EPHB1: variants seen among roughly 807,000 people sequenced by gnomAD.
EPHB1 encodes ephrin type-B receptor 1.
Under a neutral mutation model 94.4 loss-of-function variants are expected in EPHB1, and 30 were observed. That is an observed-to-expected ratio of 0.32 (90% CI 0.24 to 0.43). EPHB1 has a LOEUF of 0.43. EPHB1 is among the 20% of genes least tolerant of loss of function. The pLI is 1.00. For synonymous variants in EPHB1, 522 were observed against 489.1 expected (o/e 1.07, Z -0.89); for missense variants, 1,055 against 1,308.3 (o/e 0.81, Z 2.99).
chr3:135,230,596 A>G (rs1943511100), intron 12 of EPHB1, among the ~76,000 whole-genome samples: 1 of 152,156 alleles, frequency 6.6e-6, no homozygotes, highest in Non-Finnish European at 1.5e-5. Context: ...TAAATTTTTA[A>G]AATAATTTTG....
intron 1 of EPHB1, among the ~76,000 whole-genome samples, chr3:134,903,336 T>C (rs1399964353): frequency 2.0e-5 from 3 of 152,124 alleles, no homozygotes; most frequent in Non-Finnish European, 4.4e-5. Context: ...TAGCTCCTAC[T>C]GGTGCTGGCA....
At chr3:135,137,361 C>T (rs1409983768) in intron 5 of EPHB1, among the ~76,000 whole-genome samples, 1 of 152,172 alleles carries the variant, frequency 6.6e-6, no homozygotes, top group African/African-American at 2.4e-5. Context: ...AAAATGTTGA[C>T]AACTGATTAG....
At chr3:135,252,191 ATTTTTATTTTTTAATAT>A (rs1363875628) in intron 15 of EPHB1, among the ~76,000 whole-genome samples, 1 of 150,996 alleles carries the variant, frequency 6.6e-6, no homozygotes, top group African/African-American at 2.4e-5. Flanking sequence ...ATTTTATTTT[ATTTTTATTTTTTAATAT>A]TTTTTATTTA....
chr3:134,908,669 A>G (rs2038387326), intron 1 of EPHB1, among the ~76,000 whole-genome samples: 1 of 152,152 alleles, frequency 6.6e-6, no homozygotes, highest in Admixed American at 6.5e-5. Context: ...AGCAGCAACA[A>G]CAGCACAAAG....
chr3:135,227,668 C>T (rs1477831942), intron 12 of EPHB1, among the ~76,000 whole-genome samples: 1 of 152,032 alleles, frequency 6.6e-6, no homozygotes, highest in Non-Finnish European at 1.5e-5. Flanking sequence ...CATGTCTGTG[C>T]ACTCGTATGT....
At chr3:135,039,618 A>G (rs36040) in intron 3 of EPHB1, among the ~76,000 whole-genome samples, 3,120 of 152,312 alleles carry the variant, frequency 0.02, 94 homozygotes, top group African/African-American at 0.067. Flanking sequence ...GCACAGCGCC[A>G]GTGGGCCGGC....
At chr3:135,009,399 A>C (rs539363519) in intron 3 of EPHB1, among the ~76,000 whole-genome samples, 21 of 152,290 alleles carry the variant, frequency 1.4e-4, no homozygotes, top group Admixed American at 7.8e-4. Flanking sequence ...TGGGTGTCTT[A>C]TTATGCAGCT....
intron 3 of EPHB1, among the ~76,000 whole-genome samples, chr3:135,043,190 A>C (rs1936903749): frequency 6.6e-6 from 1 of 152,066 alleles, no homozygotes; most frequent in African/African-American, 2.4e-5. Context: ...ATGCCAGAGT[A>C]TTGAATTTAA....
chr3:134,814,232 T>C (rs1350289147), intron 1 of EPHB1, among the ~76,000 whole-genome samples: 1 of 152,188 alleles, frequency 6.6e-6, no homozygotes, highest in Admixed American at 6.5e-5. Context: ...TGGATGGAGA[T>C]ACCTGAAGAT....
intron 3 of EPHB1, among the ~76,000 whole-genome samples, chr3:134,962,019 A>G (rs1168214890): frequency 6.6e-6 from 1 of 152,254 alleles, no homozygotes; most frequent in Non-Finnish European, 1.5e-5. Context: ...GAATAAGAAT[A>G]TATAAATTTT....
At chr3:134,864,056 A>G (rs528970523) in intron 1 of EPHB1, among the ~76,000 whole-genome samples, 1 of 152,198 alleles carries the variant, frequency 6.6e-6, no homozygotes, top group Admixed American at 6.5e-5. Context: ...TCAGGAAAGT[A>G]GCGCATCCTG....
chr3:135,044,940 G>C (rs1174296828), intron 3 of EPHB1, among the ~76,000 whole-genome samples: 4 of 151,970 alleles, frequency 2.6e-5, no homozygotes, highest in African/African-American at 9.7e-5. Flanking sequence ...ATGTTTTCAG[G>C]CATCTCAGAA....
chr3:135,141,474 ACACCATGTCACAT>A (rs1265083459), intron 5 of EPHB1, among the ~76,000 whole-genome samples: 1 of 152,080 alleles, frequency 6.6e-6, no homozygotes, highest in African/African-American at 2.4e-5. Flanking sequence ...GGCTGACCTT[ACACCATGTCACAT>A]GCTGGTGCTG....
intron 12 of EPHB1, among the ~76,000 whole-genome samples, chr3:135,237,309 C>G (rs866711369): frequency 1.3e-5 from 2 of 149,348 alleles, no homozygotes; most frequent in African/African-American, 2.5e-5. Context: ...CACACACACA[C>G]ACAGACAGAC....
At chr3:134,920,836 A>G (rs959221332) in intron 1 of EPHB1, among the ~76,000 whole-genome samples, 3 of 151,976 alleles carry the variant, frequency 2.0e-5, no homozygotes, top group African/African-American at 7.3e-5. Flanking sequence ...AGGTGGCCCC[A>G]CTGGTTGGTG....
chr3:134,892,133 A>G (rs1349957057), intron 1 of EPHB1, among the ~76,000 whole-genome samples: 1 of 152,216 alleles, frequency 6.6e-6, no homozygotes, highest in Admixed American at 6.5e-5. Context: ...AGCTACTTGG[A>G]TGTGAGAATG....
intron 1 of EPHB1, among the ~76,000 whole-genome samples, chr3:134,924,298 T>C (rs2038746342): frequency 6.6e-6 from 1 of 152,026 alleles, no homozygotes; most frequent in South Asian, 2.1e-4. Flanking sequence ...GTTATGAAAA[T>C]GAAAACATAA....
At chr3:134,876,960 A>T (rs2037628918) in intron 1 of EPHB1, among the ~76,000 whole-genome samples, 1 of 152,184 alleles carries the variant, frequency 6.6e-6, no homozygotes, top group Non-Finnish European at 1.5e-5. Context: ...ATTTTTCCTC[A>T]TGCACATGTG....
intron 1 of EPHB1, among the ~76,000 whole-genome samples, chr3:134,856,352 G>A (rs746429027): frequency 2.0e-5 from 3 of 152,164 alleles, no homozygotes; most frequent in Non-Finnish European, 2.9e-5. Context: ...TGTGAGTGGG[G>A]GCAGGAGCTG....
Sources: gnomAD v4.1 joint callset for allele counts (sites outside exome capture counted in the v4.1 genomes callset) on GRCh38, gnomAD v4.1.1 for gene constraint, MANE v1.5 for transcripts, NCBI Gene and HGNC (gene_info 2026-07-23, HGNC 2026-07-21) for gene names.